The following TPM3 variants were observed in gnomAD, a reference collection of about 807,000 sequenced individuals.
TPM3 encodes tropomyosin alpha-3 chain.
In TPM3, 16 loss-of-function variants were observed where a neutral mutation model predicts 43.1. The observed-to-expected ratio is 0.37, with a 90% confidence interval of 0.25 to 0.56. TPM3 has a LOEUF of 0.56. Among genes scored for constraint, TPM3 ranks in the 20% least tolerant of loss-of-function variants. The probability of loss-of-function intolerance (pLI) is 0.77; values close to 1 mark genes in which losing one functional copy is unlikely to be tolerated. For missense variants in TPM3, 176 were observed against 337.2 expected, an observed-to-expected ratio of 0.52 and a Z score of 3.74; for synonymous variants, 101 against 116.9, an observed-to-expected ratio of 0.86 and a Z score of 0.88.
chr1:154,166,734 T>C lies in TPM3; in HGVS notation c.*1203A>G. On this transcript the variant is annotated 3_prime_UTR_variant, in exon 10 of 10. Coordinates refer to ENST00000651641, the MANE Select transcript of TPM3 (RefSeq NM_152263.4). ...AGTCTCTCTGTTGCCCAGGCTGGAA[T>C]GCAGTGGCGCGATCTCCGCTCACTG... is the stretch of plus-strand genomic sequence containing the variant. The C allele has an allele frequency of 1.0e-6, 1 of 977,510 alleles. No homozygotes were observed. Among genetic ancestry groups the C allele is most frequent in the Non-Finnish European group, 1.2e-6 (1 of 823,748 alleles). 60.6% of individuals were successfully genotyped at this position (977,510 alleles called of 1,614,324 possible). A position where few individuals can be genotyped will look rare whatever the true frequency, so the allele number is the denominator to read the frequency against.
At position 154,191,463 on chromosome 1, in the gene TPM3, G is replaced by A. The variant is rs183796281; in HGVS notation, c.118-152C>T. On this transcript the variant is annotated intron_variant, in intron 1 of 9. Coordinates refer to ENST00000651641, the MANE Select transcript of TPM3 (RefSeq NM_152263.4). Reference sequence around the variant, plus strand: ...CAGCCACTTCCAGCCCACTGCCTCAGGAGTTATGCCGTAGCTTGGCCTGTG... The same window carrying A: ...CAGCCACTTCCAGCCCACTGCCTCAAGAGTTATGCCGTAGCTTGGCCTGTG... 5.4e-5 allele frequency: 77 copies of A among 1,435,598 alleles called. No individual in the cohort carries two copies. The African/African-American group carries it at 8.7e-4, about 16-fold the overall frequency. 88.9% of individuals were successfully genotyped at this position (1,435,598 alleles called of 1,614,324 possible).
downstream of TPM3, chr1:154,157,609 G>A (rs773143184): frequency 5.2e-6 from 4 of 773,832 alleles, no homozygotes; most frequent in South Asian, 4.0e-5. Flanking sequence ...GTCAGAGGGA[G>A]GAGCAGCAGC....
rs910268740 is a variant in TPM3 at position 154,166,301 on chromosome 1, G to T, written c.*1636C>A. 3.9e-5 allele frequency: 9 copies of T among 227,946 alleles called. No homozygotes were observed. Among genetic ancestry groups the T allele is most frequent in the Middle Eastern group, 2.6e-3 (2 of 780 alleles). 14.1% of individuals were successfully genotyped at this position (227,946 alleles called of 1,614,324 possible). On this transcript the variant is annotated 3_prime_UTR_variant, in exon 10 of 10. Coordinates refer to ENST00000651641, the MANE Select transcript of TPM3 (RefSeq NM_152263.4). ...GGAGTACTACAGTGGCTATTTATAG[G>T]TGCAATCCCACTACTGATCAGCACA...
At chr1:154,161,007 C>T (rs969756606), downstream of TPM3, among the ~76,000 whole-genome samples, 1 of 151,792 alleles carries the variant, frequency 6.6e-6, no homozygotes. Flanking sequence ...ACTCCTAGGG[C>T]TCAAGCAAAC....
intron 2 of TPM3, among the ~76,000 whole-genome samples, chr1:154,177,853 C>T (rs895952017): frequency 6.6e-6 from 1 of 152,178 alleles, no homozygotes; most frequent in Middle Eastern, 3.2e-3. Flanking sequence ...AAGCAGAGGG[C>T]TGGGGCTACA....
intron 3 of TPM3, among the ~76,000 whole-genome samples, chr1:154,174,368 GTATATATATA>G (rs34224787): frequency 0.029 from 1,360 of 46,400 alleles, 124 homozygotes; most frequent in East Asian, 0.27. Flanking sequence ...AAATATATGT[GTATATATATA>G]TATATATATA....
rs34335016 is a variant in TPM3, at chr1:154,172,205, A to T, written c.566+703T>A. The T allele has an allele frequency of 0.12, 140,425 of 1,176,920 alleles. 11,011 individuals are homozygous for T. The highest frequency in any genetic ancestry group is 0.38 in the East Asian group (16,126 of 42,808). The allele number at this position is 1,176,920 out of a possible 1,614,324, so 72.9% of individuals were successfully genotyped here. ...AAAACAAGCAGCAAAACGAAAAAAA[A>T]AAATTCAAAAAATGGGAAGAGAACA... On this transcript the variant is annotated intron_variant, in intron 5 of 9. Coordinates refer to ENST00000651641, the MANE Select transcript of TPM3 (RefSeq NM_152263.4).
At chr1:154,177,062 A>G (rs1482530711) in intron 2 of TPM3, among the ~76,000 whole-genome samples, 1 of 151,884 alleles carries the variant, frequency 6.6e-6, no homozygotes, top group Non-Finnish European at 1.5e-5. Flanking sequence ...TGATCACTTT[A>G]CCCTAACACA....
At chr1:154,170,548 C>A in intron 7 of TPM3, 79 bp from the exon 8 acceptor site, 2 of 1,601,560 alleles carry the variant, frequency 1.2e-6, no homozygotes, top group Non-Finnish European at 1.7e-6. Flanking sequence ...CCTTCTACTT[C>A]TGGACCTTTC....
At chr1:154,161,364 G>C (rs1001230880), downstream of TPM3, among the ~76,000 whole-genome samples, 25 of 150,296 alleles carry the variant, frequency 1.7e-4, no homozygotes, top group African/African-American at 6.1e-4. Flanking sequence ...TGAACAGCCT[G>C]AATTTAGATA....
rs1571370808 is a variant in TPM3, at chr1:154,163,636, T to G, written c.*4301A>C. ...TCCTCTTACATAACGTTTTCCTCAT[T>G]GTTTAATTTTTTTTTGAGACAGAGT... On this transcript the variant is annotated 3_prime_UTR_variant, in exon 10 of 10. Coordinates refer to ENST00000651641, the MANE Select transcript of TPM3 (RefSeq NM_152263.4). Among the ~76,000 whole-genome samples, 1 of 152,026 alleles carries G rather than the reference T, an allele frequency of 6.6e-6. No individual in the cohort carries two copies. The highest frequency in any genetic ancestry group is 1.5e-5 in the Non-Finnish European group (1 of 68,018).
chr1:154,155,596 T>G (rs1659718593), downstream of TPM3: 1 of 235,680 alleles, frequency 4.2e-6, no homozygotes. Flanking sequence ...AGTTATCCAC[T>G]CACACAGCCG....
At chr1:154,186,168 G>T (rs1291225479) in intron 2 of TPM3, among the ~76,000 whole-genome samples, 2 of 151,574 alleles carry the variant, frequency 1.3e-5, no homozygotes, top group Non-Finnish European at 2.9e-5. Context: ...ACTCTTAATA[G>T]ACTCTACCCT....
In TPM3 at chr1:154,163,157, T is replaced by C. The variant is rs1197741574; in HGVS notation, c.*4780A>G. ...CTTTCTTCATGTCAAAGCCAACTTC[T>C]GCCCAGGATCTGAATATTTAGAAAT... On this transcript the variant is annotated 3_prime_UTR_variant, in exon 10 of 10. Transcript: ENST00000651641. Among the ~76,000 whole-genome samples, 1 of 152,192 alleles carries C rather than the reference T, an allele frequency of 6.6e-6. No individual in the cohort carries two copies. The highest frequency in any genetic ancestry group is 2.4e-5 in the African/African-American group (1 of 41,434).
rs143097126 is a variant in TPM3 at position 154,162,671 on chromosome 1, A to C, written c.*5266T>G. 3.3e-5 allele frequency among the ~76,000 whole-genome samples: 5 copies of C among 152,310 alleles called. No homozygotes were observed. In the East Asian group the frequency reaches 7.7e-4, roughly 23 times the overall value. On this transcript the variant is annotated 3_prime_UTR_variant, in exon 10 of 10. Coordinates refer to ENST00000651641, the MANE Select transcript of TPM3 (RefSeq NM_152263.4). ...TACTCTGATGCTTGACTTCACCCCA[A>C]TACTAGTCCAGGCTCAAGTAACACA...
At chr1:154,169,071 C>A (rs562966684) in intron 9 of TPM3, among the ~76,000 whole-genome samples, 45 of 151,522 alleles carry the variant, frequency 3.0e-4, no homozygotes, top group African/African-American at 1.0e-3. Flanking sequence ...CCTGACCTCA[C>A]GTGATCCACC....
At position 154,167,497 on chromosome 1, in the gene TPM3, C is replaced by G. The variant is rs1571386067; in HGVS notation, c.*440G>C. On this transcript the variant is annotated 3_prime_UTR_variant, in exon 10 of 10. Transcript: ENST00000651641. ...AGAACCTGGAAATAAGGAATTTAATCTTGTTCAGCTTGAGGAGTATAACTA... is the reference window on the plus strand; with the variant it reads ...AGAACCTGGAAATAAGGAATTTAATGTTGTTCAGCTTGAGGAGTATAACTA... The G allele has an allele frequency of 9.3e-7, 1 of 1,080,808 alleles. No individual in the cohort carries two copies. Among genetic ancestry groups the G allele is most frequent in the East Asian group, 4.7e-5 (1 of 21,250 alleles). The allele number at this position is 1,080,808 out of a possible 1,614,324, so 67.0% of individuals were successfully genotyped here. A position where few individuals can be genotyped will look rare whatever the true frequency, so the allele number is the denominator to read the frequency against.
rs12063890 is a variant in TPM3 at position 154,164,115 on chromosome 1, C to A, written c.*3822G>T. On this transcript the variant is annotated 3_prime_UTR_variant, in exon 10 of 10. Coordinates refer to ENST00000651641, the MANE Select transcript of TPM3 (RefSeq NM_152263.4). ...CCGTATCTTCTTTCCCTTCCCCCAGCTCCCCAAACCAGGACAACATGATCT... is the reference window on the plus strand; with the variant it reads ...CCGTATCTTCTTTCCCTTCCCCCAGATCCCCAAACCAGGACAACATGATCT... Among the ~76,000 whole-genome samples, 21,236 of 151,872 alleles carry A rather than the reference C, an allele frequency of 0.14. 2,687 individuals are homozygous for A. Among genetic ancestry groups the A allele is most frequent in the African/African-American group, 0.34 (13,922 of 41,294 alleles).
intron 2 of TPM3, chr1:154,187,205 T>TG: frequency 1.5e-6 from 1 of 668,278 alleles, no homozygotes; most frequent in Non-Finnish European, 1.8e-6. Flanking sequence ...TAGGGTCTTG[T>TG]GGCCAGAGAG....
Sources: gnomAD v4.1 joint callset for allele counts (sites outside exome capture counted in the v4.1 genomes callset) on GRCh38, gnomAD v4.1.1 for gene constraint, MANE v1.5 for transcripts, NCBI Gene and HGNC (gene_info 2026-07-23, HGNC 2026-07-21) for gene names.